PTPRD: variants seen among roughly 807,000 people sequenced by gnomAD.
The protein encoded by PTPRD is receptor-type tyrosine-protein phosphatase delta.
Under a neutral mutation model 214.5 loss-of-function variants are expected in PTPRD, and 34 were observed. That is an observed-to-expected ratio of 0.16 (90% confidence interval 0.12 to 0.21). The LOEUF is 0.21. Ranked by LOEUF, PTPRD falls within the 10% of genes least tolerant of loss-of-function variation. The pLI is 1.00. For missense variants in PTPRD, 2,545 were observed against 2,398.7 expected, an observed-to-expected ratio of 1.06 and a Z score of -1.27; for synonymous variants, 1,128 against 845.7, an observed-to-expected ratio of 1.33 and a Z score of -5.79.
intron 10 of PTPRD, among the ~76,000 whole-genome samples, chr9:9,160,354 G>C (rs2099885624): frequency 6.6e-6 from 1 of 152,082 alleles, no homozygotes; most frequent in South Asian, 2.1e-4. Flanking sequence ...CAAATAACCT[G>C]ATTAAAAATG....
At chr9:9,701,476 C>CA (rs2097501082) in intron 7 of PTPRD, among the ~76,000 whole-genome samples, 1 of 152,032 alleles carries the variant, frequency 6.6e-6, no homozygotes, top group South Asian at 2.1e-4. Flanking sequence ...AGTTAGTACT[C>CA]AAAGGTTTTA....
chr9:9,611,709 T>C lies in PTPRD; in HGVS notation c.-286-36928A>G, dbSNP rs564961990. On this transcript the variant is annotated intron_variant, in intron 7 of 45. Coordinates refer to ENST00000381196, the MANE Select transcript of PTPRD (RefSeq NM_002839.4). ...ATATGTATGTATATATATTTATATA[T>C]AGTCTGATGACACATGTATATTTAT... Among the ~76,000 whole-genome samples the C allele has an allele frequency of 9.1e-4, 139 of 152,276 alleles. 2 individuals carry two copies. Among genetic ancestry groups the C allele is most frequent in the Non-Finnish European group, 2.5e-4 (17 of 67,966 alleles).
rs189798094 is a variant in PTPRD at position 8,424,426 on chromosome 9, T to A, written c.4086+12166A>T. Among the ~76,000 whole-genome samples, 7 of 152,270 alleles carry A rather than the reference T, an allele frequency of 4.6e-5. No homozygotes were observed. In the East Asian group the frequency reaches 1.4e-3, roughly 29 times the overall value. On this transcript the variant is annotated intron_variant, in intron 35 of 45. Coordinates refer to ENST00000381196, the MANE Select transcript of PTPRD (RefSeq NM_002839.4). ...AACTTTCATGTGGTTCAACATACCT[T>A]CTGTAACATGGGGAGACTAACAGTA... is the stretch of plus-strand genomic sequence containing the variant.
chr9:10,138,991 T>C (rs2098962556), intron 3 of PTPRD, among the ~76,000 whole-genome samples: 1 of 151,894 alleles, frequency 6.6e-6, no homozygotes, highest in Non-Finnish European at 1.5e-5. Flanking sequence ...AAGGCAAAGA[T>C]GCCCACTCTC....
Position 10,398,338 on chromosome 9 carries a change from G to A in PTPRD, c.-599-57321C>T, listed in dbSNP as rs1352107097. Among the ~76,000 whole-genome samples, 6 of 151,756 alleles carry A rather than the reference G, an allele frequency of 4.0e-5. No individual in the cohort carries two copies. In the Admixed American group the frequency reaches 4.0e-4, roughly 10 times the overall value. ...CGAGGCTGTAGTGTACTATGATTGT[G>A]CCACTGCACTCCAGCCTGGACTACA... is the stretch of plus-strand genomic sequence containing the variant. On this transcript the variant is annotated intron_variant, in intron 2 of 45. Transcript: ENST00000381196.
At chr9:9,265,929 A>C (rs2132430025) in intron 9 of PTPRD, among the ~76,000 whole-genome samples, 1 of 151,700 alleles carries the variant, frequency 6.6e-6, no homozygotes, top group African/African-American at 2.4e-5. Context: ...TCCAATCAAA[A>C]GACAGAGTGG....
At chr9:10,530,737 A>G (rs1261713437) in intron 2 of PTPRD, among the ~76,000 whole-genome samples, 2 of 152,198 alleles carry the variant, frequency 1.3e-5, no homozygotes, top group Non-Finnish European at 2.9e-5. Context: ...AAAATAAATA[A>G]TGATGACAGT....
chr9:10,564,296 C>T (rs748775730), intron 2 of PTPRD, among the ~76,000 whole-genome samples: 69 of 146,516 alleles, frequency 4.7e-4, no homozygotes, highest in African/African-American at 1.1e-3. Flanking sequence ...ATTACAGGCA[C>T]GAGCTGCTGA....
At chr9:9,154,330 G>A (rs979464361) in intron 10 of PTPRD, among the ~76,000 whole-genome samples, 3 of 152,138 alleles carry the variant, frequency 2.0e-5, no homozygotes, top group South Asian at 2.1e-4. Flanking sequence ...TAAACCACAA[G>A]CATTTGTTTT....
chr9:10,460,141 A>G (rs914474164), intron 2 of PTPRD, among the ~76,000 whole-genome samples: 20 of 152,210 alleles, frequency 1.3e-4, no homozygotes, highest in African/African-American at 3.6e-4. Flanking sequence ...CCCATTTACA[A>G]TAGCATAAAA....
intron 2 of PTPRD, among the ~76,000 whole-genome samples, chr9:10,458,491 G>A (rs990784477): frequency 2.0e-5 from 3 of 152,022 alleles, no homozygotes; most frequent in African/African-American, 4.8e-5. Context: ...AAAATTCAAC[G>A]TTCTTTCTTG....
intron 11 of PTPRD, among the ~76,000 whole-genome samples, chr9:8,795,457 C>T (rs2096385314): frequency 6.6e-6 from 1 of 152,064 alleles, no homozygotes; most frequent in African/African-American, 2.4e-5. Flanking sequence ...TGTGAGCCAC[C>T]ACACCCAGCC....
intron 4 of PTPRD, among the ~76,000 whole-genome samples, chr9:9,997,564 C>T (rs1442238907): frequency 6.6e-6 from 1 of 152,160 alleles, no homozygotes; most frequent in Non-Finnish European, 1.5e-5. Flanking sequence ...GCTGTGATTA[C>T]AGGCGTGAGC....
intron 3 of PTPRD, among the ~76,000 whole-genome samples, chr9:10,324,539 T>C (rs925756602): frequency 6.6e-6 from 1 of 152,036 alleles, no homozygotes; most frequent in Non-Finnish European, 1.5e-5. Context: ...CTGAGACATC[T>C]GTCTCTCCAC....
chr9:8,663,647 A>G (rs2097111706), intron 12 of PTPRD, among the ~76,000 whole-genome samples: 2 of 152,040 alleles, frequency 1.3e-5, no homozygotes, highest in South Asian at 4.2e-4. Flanking sequence ...ACCTACCACC[A>G]CACCCGGCTA....
chr9:9,421,283 GAAAA>G (rs5896326), intron 8 of PTPRD, among the ~76,000 whole-genome samples: 1 of 150,310 alleles, frequency 6.7e-6, no homozygotes, highest in Admixed American at 6.7e-5. Context: ...CTGTCTTTGT[GAAAA>G]AAAAAAAATT....
Position 8,340,554 on chromosome 9 carries a change from C to T in PTPRD, c.5127-85G>A, listed in dbSNP as rs548584523. On this transcript the variant is annotated intron_variant, in intron 41 of 45. Transcript: ENST00000381196. ...CACTGGATACATAAACATCAACCTG[C>T]TAATAAAAAACGAAAACATATTATT... 110 of 1,351,126 alleles carry T rather than the reference C, an allele frequency of 8.1e-5. No homozygotes were observed. The African/African-American group carries it at 1.4e-3, about 17-fold the overall frequency. The allele number at this position is 1,351,126 out of a possible 1,614,324, so 83.7% of individuals were successfully genotyped here. A position where few individuals can be genotyped will look rare whatever the true frequency, so the allele number is the denominator to read the frequency against.
At chr9:10,382,034 A>G (rs1416279462) in intron 2 of PTPRD, among the ~76,000 whole-genome samples, 3 of 151,852 alleles carry the variant, frequency 2.0e-5, no homozygotes, top group Non-Finnish European at 4.4e-5. Context: ...CTTACATCTT[A>G]CTTCTTATTC....
rs1380058262 is a variant in PTPRD, at chr9:8,914,516, T to C, written c.-104+104181A>G. Among the ~76,000 whole-genome samples the C allele has an allele frequency of 3.3e-5, 5 of 152,066 alleles. No individual in the cohort carries two copies. The East Asian group carries it at 7.7e-4, about 24-fold the overall frequency. On this transcript the variant is annotated intron_variant, in intron 11 of 45. Transcript: ENST00000381196. ...CTTACTCTTTAAGCTCAGAAATATG[T>C]AGAGTGATAGGGGTCGAGATAAATC...
Sources: gnomAD v4.1 joint callset for allele counts (sites outside exome capture counted in the v4.1 genomes callset) on GRCh38, gnomAD v4.1.1 for gene constraint, MANE v1.5 for transcripts, NCBI Gene and HGNC (gene_info 2026-07-23, HGNC 2026-07-21) for gene names.